The following SFXN4 variants were observed in gnomAD, a reference collection of about 807,000 sequenced individuals.
SFXN4 encodes sideroflexin 4.
SFXN4 carries 48 observed loss-of-function variants against 54.6 expected under a neutral mutation model. The ratio of observed to expected loss-of-function variants is 0.88; its 90% CI spans 0.70 to 1.12. SFXN4 has a LOEUF of 1.12. Among genes scored for constraint, SFXN4 ranks in the 50% most tolerant of loss-of-function variants. The pLI is 0.00. For synonymous variants in SFXN4, 130 were observed against 145.5 expected, an observed-to-expected ratio of 0.89 and a Z score of 0.77; for missense variants, 383 against 409.2, an observed-to-expected ratio of 0.94 and a Z score of 0.55.
chr10:119,165,613 C>T lies in SFXN4; in HGVS notation c.35G>A (p.Gly12Glu). 1 of 1,593,164 alleles carries T rather than the reference C, an allele frequency of 6.3e-7. No individual in the cohort carries two copies. Among genetic ancestry groups the T allele is most frequent in the Admixed American group, 1.7e-5 (1 of 58,454 alleles). Residue 12 changes from glycine to glutamate, a missense_variant, in exon 1 of 14, where the codon GGG becomes GAG. By Grantham distance (98) the Gly-to-Glu change is moderately conservative. Transcript: ENST00000355697. ...GGCGTCTCTGCGTCCTAGGAGCCGC[C>T]CAGGTTGCGTTTCCTCCTCCTGTTC... is the stretch of plus-strand genomic sequence containing the variant. ...SLEQEEETQP[G>E]RLLGRRDAVP...
At chr10:119,164,107 A>G in intron 2 of SFXN4, 24 bp downstream of exon 2, 1 of 1,383,616 alleles carries the variant, frequency 7.2e-7, no homozygotes, top group South Asian at 1.3e-5. Flanking sequence ...TGTGAAATTC[A>G]TTAGCTCTGA....
In SFXN4 at chr10:119,156,760, G is replaced by GA. The variant is rs770876297; in HGVS notation, c.538-5dup. ...TCTGGACAAACTGAGGGATTACCTAGAAAAGAAGAGAGAAAAATCATTATT... is the reference window on the plus strand; with the variant it reads ...TCTGGACAAACTGAGGGATTACCTAGAAAAAGAAGAGAGAAAAATCATTATT... On this transcript the variant is annotated splice_polypyrimidine_tract_variant and splice_region_variant and intron_variant, in intron 9 of 13. Coordinates refer to ENST00000355697, the MANE Select transcript of SFXN4 (RefSeq NM_213649.2). 1.2e-6 allele frequency: 2 copies of GA among 1,600,348 alleles called. No individual in the cohort carries two copies. Among genetic ancestry groups the GA allele is most frequent in the Admixed American group, 3.4e-5 (2 of 58,894 alleles).
chr10:119,156,898 C>T (rs900562499), intron 9 of SFXN4, 142 bp from the exon 10 acceptor site: 7 of 622,402 alleles, frequency 1.1e-5, no homozygotes. Flanking sequence ...TTTCAAATTC[C>T]TGCAACGTGG....
intron 11 of SFXN4, among the ~76,000 whole-genome samples, chr10:119,150,411 G>A (rs190251422): frequency 1.3e-5 from 2 of 152,224 alleles, no homozygotes; most frequent in Admixed American, 1.3e-4. Flanking sequence ...GCTGGGTGCA[G>A]TGCCTCACAC....
Position 119,165,709 on chromosome 10 carries a change from AG to A in SFXN4, c.-63del, listed in dbSNP as rs1847744424. 3 of 1,290,484 alleles carry A rather than the reference AG, an allele frequency of 2.3e-6. No homozygotes were observed. Among genetic ancestry groups the A allele is most frequent in the Non-Finnish European group, 3.0e-6 (3 of 995,898 alleles). The allele number at this position is 1,290,484 out of a possible 1,614,324, so 79.9% of individuals were successfully genotyped here. On this transcript the variant is annotated 5_prime_UTR_variant, in exon 1 of 14. Coordinates refer to ENST00000355697, the MANE Select transcript of SFXN4 (RefSeq NM_213649.2). ...CGCGTGGAGGAGGAGCCGGGCGGCG[AG>A]CCCCGCCCCGGGCCGCGCGCACCCG...
chr10:119,156,333 CAGG>C (rs762335505), intron 10 of SFXN4, among the ~76,000 whole-genome samples: 2 of 152,180 alleles, frequency 1.3e-5, no homozygotes, highest in African/African-American at 2.4e-5. Flanking sequence ...GAGACTGAGG[CAGG>C]AGAACTGCCT....
At chr10:119,146,983 A>G (rs1392963229) in intron 12 of SFXN4, among the ~76,000 whole-genome samples, 2 of 152,182 alleles carry the variant, frequency 1.3e-5, no homozygotes, top group African/African-American at 2.4e-5. Flanking sequence ...AGGCCCACAG[A>G]ATCCTTCCCC....
intron 11 of SFXN4, among the ~76,000 whole-genome samples, chr10:119,154,096 TG>T (rs1464707384): frequency 6.6e-6 from 1 of 151,414 alleles, no homozygotes; most frequent in Non-Finnish European, 1.5e-5. Context: ...GAGAATCGCT[TG>T]AACCCAGGAA....
At chr10:119,151,165 C>T (rs188059855) in intron 11 of SFXN4, among the ~76,000 whole-genome samples, 4 of 152,156 alleles carry the variant, frequency 2.6e-5, no homozygotes, top group African/African-American at 7.2e-5. Flanking sequence ...GTCAGGAGAT[C>T]GAGACCATCC....
chr10:119,159,806 G>A (rs1232978625), intron 5 of SFXN4, 53 bp from the exon 6 acceptor site: 2 of 1,605,808 alleles, frequency 1.2e-6, no homozygotes, highest in Non-Finnish European at 1.7e-6. Flanking sequence ...CCCAGGCAGA[G>A]GGGGCCAGAA....
At chr10:119,147,691 C>A in intron 12 of SFXN4, 84 bp downstream of exon 12, 1 of 1,183,732 alleles carries the variant, frequency 8.4e-7, no homozygotes, top group Non-Finnish European at 1.2e-6. Context: ...CTTCTCCCCA[C>A]CCTCCACCAG....
At position 119,147,839 on chromosome 10, in the gene SFXN4, A is replaced by G. The variant is rs1161372120; in HGVS notation, c.754T>C (p.Ser252Pro). 2 of 1,614,138 alleles carry G rather than the reference A, an allele frequency of 1.2e-6. No individual in the cohort carries two copies. Among genetic ancestry groups the G allele is most frequent in the South Asian group, 2.2e-5 (2 of 91,086 alleles). Residue 252 changes from serine to proline, a missense_variant, in exon 12 of 14, where the codon TCC (serine) becomes CCC (proline). By Grantham distance (74) the Ser-to-Pro change is moderately conservative (BLOSUM62 -1). Coordinates refer to ENST00000355697, the MANE Select transcript of SFXN4 (RefSeq NM_213649.2). The stretch of plus-strand genomic sequence containing the variant: ...GAGGTCCCAAACAGCACTATTCTGG[A>G]TGCTAGCGTTTCTCTAACAGCCTAG... ...GTKAVRETLASRIVLFGTSAL... is the reference protein window; with the variant it reads ...GTKAVRETLAPRIVLFGTSAL...
At chr10:119,162,451 AAC>A in intron 2 of SFXN4, 37 bp from the exon 3 acceptor site, 1 of 1,548,754 alleles carries the variant, frequency 6.5e-7, no homozygotes. Context: ...TAATGATCTC[AAC>A]ATTGTTCAGG....
intron 11 of SFXN4, among the ~76,000 whole-genome samples, chr10:119,153,459 T>TCAGA: frequency 6.7e-6 from 1 of 148,924 alleles, no homozygotes; most frequent in East Asian, 2.0e-4. Flanking sequence ...AAGAAACTAA[T>TCAGA]AGTAAAAATT....
chr10:119,160,583 CTTTTCTT>C (rs1847484583), intron 5 of SFXN4, among the ~76,000 whole-genome samples: 3 of 125,520 alleles, frequency 2.4e-5, no homozygotes, highest in Admixed American at 1.7e-4. Flanking sequence ...GCAGAGTTTT[CTTTTCTT>C]TTTTTTTTTT....
At chr10:119,153,232 G>A (rs1484220343) in intron 11 of SFXN4, among the ~76,000 whole-genome samples, 2 of 151,764 alleles carry the variant, frequency 1.3e-5, no homozygotes, top group South Asian at 4.2e-4. Flanking sequence ...GCAACATGGC[G>A]AAACCCCATG....
intron 13 of SFXN4, among the ~76,000 whole-genome samples, chr10:119,142,546 C>CTTTTTTTTTTT (rs35040668): frequency 8.5e-6 from 1 of 118,296 alleles, no homozygotes; most frequent in Non-Finnish European, 1.6e-5. Flanking sequence ...TATTTTGTGT[C>CTTTTTTTTTTT]TTTTTTTTTT....
Position 119,165,597 on chromosome 10 carries a change from G to C in SFXN4, c.51C>G (p.Arg17=). ...EETQPGRLLG[R]RDAVPAFIEP... ...CAATGAAGGCGGGGACGGCGTCTCT[G>C]CGTCCTAGGAGCCGCCCAGGTTGCG... Residue 17 remains arginine, a synonymous_variant, in exon 1 of 14, where the codon CGC becomes CGG. Coordinates refer to ENST00000355697, the MANE Select transcript of SFXN4 (RefSeq NM_213649.2). 1 of 1,594,102 alleles carries C rather than the reference G, an allele frequency of 6.3e-7. No individual in the cohort carries two copies. Among genetic ancestry groups the C allele is most frequent in the Non-Finnish European group, 8.5e-7 (1 of 1,172,028 alleles).
chr10:119,148,298 C>T (rs141122402), intron 11 of SFXN4, among the ~76,000 whole-genome samples: 16 of 152,208 alleles, frequency 1.1e-4, no homozygotes, highest in African/African-American at 3.9e-4. Flanking sequence ...GCGGAGGGGA[C>T]GCCTTCCACG....
Sources: gnomAD v4.1 joint callset for allele counts (sites outside exome capture counted in the v4.1 genomes callset) on GRCh38, gnomAD v4.1.1 for gene constraint, MANE v1.5 for transcripts, NCBI Gene and HGNC (gene_info 2026-07-23, HGNC 2026-07-21) for gene names.